The following DOCK8 variants were observed in gnomAD, a reference collection of about 807,000 sequenced individuals.
DOCK8 encodes dedicator of cytokinesis 8.
DOCK8 carries 141 observed loss-of-function variants against 245.6 expected under a neutral mutation model. The ratio of observed to expected loss-of-function variants is 0.57; its 90% confidence interval spans 0.50 to 0.66. DOCK8 has a LOEUF of 0.66. Among genes scored for constraint, DOCK8 ranks in the 30% least tolerant of loss-of-function variants. The pLI is 0.00. For synonymous variants in DOCK8, 1,168 were observed against 970.2 expected (o/e 1.20, Z -3.79); for missense variants, 2,965 against 2,603.4 (o/e 1.14, Z -3.02).
At chr9:421,959 G>C (rs371086888) in intron 32 of DOCK8, 89 bp from the exon 33 acceptor site, 5 of 1,148,612 alleles carry the variant, frequency 4.4e-6, no homozygotes, top group East Asian at 2.4e-5. Flanking sequence ...TGGTGCTGAG[G>C]CTTCTCAGTT....
chr9:316,543 A>G (rs1362509264), intron 6 of DOCK8, among the ~76,000 whole-genome samples: 1 of 152,206 alleles, frequency 6.6e-6, no homozygotes, highest in African/African-American at 2.4e-5. Flanking sequence ...TCATCTGTTT[A>G]AGAAAACAGT....
intron 46 of DOCK8, among the ~76,000 whole-genome samples, chr9:462,537 A>C (rs897315048): frequency 6.6e-6 from 1 of 152,350 alleles, no homozygotes. Flanking sequence ...GCCCTGGCCA[A>C]GGCCACATCA....
intron 25 of DOCK8, among the ~76,000 whole-genome samples, chr9:397,209 G>A (rs1166420013): frequency 1.3e-5 from 2 of 151,788 alleles, no homozygotes; most frequent in East Asian, 3.9e-4. Flanking sequence ...AAAATTAGCT[G>A]AGCATGGTTG....
intron 5 of DOCK8, among the ~76,000 whole-genome samples, chr9:305,748 G>A (rs182647441): frequency 1.3e-5 from 2 of 152,302 alleles, no homozygotes; most frequent in South Asian, 2.1e-4. Flanking sequence ...CAGAAAGAAA[G>A]CAAGCCTTCA....
intron 1 of DOCK8, among the ~76,000 whole-genome samples, chr9:225,723 A>T (rs963872526): frequency 6.6e-6 from 1 of 152,192 alleles, no homozygotes; most frequent in Non-Finnish European, 1.5e-5. Flanking sequence ...CTAAATAAAC[A>T]AGGAAACATC....
At chr9:425,457 G>T (rs561107697) in intron 33 of DOCK8, among the ~76,000 whole-genome samples, 1 of 151,226 alleles carries the variant, frequency 6.6e-6, no homozygotes. Context: ...GCGTGAACCC[G>T]GGAAGTGGAG....
chr9:440,201 G>C (rs962778667), intron 40 of DOCK8, among the ~76,000 whole-genome samples: 2 of 152,044 alleles, frequency 1.3e-5, no homozygotes, highest in East Asian at 3.9e-4. Flanking sequence ...TGTATTTTTA[G>C]AGGAGACAGG....
chr9:439,413 G>A, intron 40 of DOCK8, 25 bp downstream of exon 40: 1 of 1,610,188 alleles, frequency 6.2e-7, no homozygotes, highest in Non-Finnish European at 8.5e-7. Context: ...GGCATCCCGG[G>A]GCCTGGCCTC....
chr9:331,863 A>G (rs1239658822), intron 9 of DOCK8, among the ~76,000 whole-genome samples: 1 of 152,242 alleles, frequency 6.6e-6, no homozygotes, highest in Non-Finnish European at 1.5e-5. Flanking sequence ...GATAGGAATT[A>G]CAAGGGAGAC....
At chr9:214,819 G>A (rs746169442), upstream of DOCK8, 4 of 1,596,540 alleles carry the variant, frequency 2.5e-6, no homozygotes, top group Non-Finnish European at 3.4e-6. Flanking sequence ...CCCCCGGGGT[G>A]ATTTCGGCTT....
chr9:442,572 T>C (rs1249879888), intron 42 of DOCK8, among the ~76,000 whole-genome samples: 4 of 152,138 alleles, frequency 2.6e-5, no homozygotes. Flanking sequence ...AAGTGTAGCA[T>C]GTTGTTAGAA....
At chr9:274,512 A>T (rs2048270384) in intron 2 of DOCK8, among the ~76,000 whole-genome samples, 3 of 132,024 alleles carry the variant, frequency 2.3e-5, no homozygotes, top group African/African-American at 5.7e-5. Flanking sequence ...TTAGATGAAT[A>T]GTCTGCTTAG....
At chr9:248,935 C>G (rs1047586565) in intron 1 of DOCK8, among the ~76,000 whole-genome samples, 11 of 152,256 alleles carry the variant, frequency 7.2e-5, no homozygotes, top group Middle Eastern at 3.4e-3. Flanking sequence ...TTCTAGGTGA[C>G]AGAGTGAAGT....
chr9:256,832 T>C (rs1239710578), intron 1 of DOCK8, among the ~76,000 whole-genome samples: 1 of 152,134 alleles, frequency 6.6e-6, no homozygotes, highest in African/African-American at 2.4e-5. Context: ...TCTGCTTTCC[T>C]CATTGCAGTA....
chr9:328,941 C>CT (rs1165346763), intron 9 of DOCK8, among the ~76,000 whole-genome samples: 9,492 of 71,378 alleles, frequency 0.13, 2,140 homozygotes, highest in African/African-American at 0.17. Flanking sequence ...CTTATTGATT[C>CT]TTTTTTTTTT....
At chr9:342,504 C>G (rs1329221483) in intron 14 of DOCK8, among the ~76,000 whole-genome samples, 2 of 150,292 alleles carry the variant, frequency 1.3e-5, no homozygotes, top group Non-Finnish European at 3.0e-5. Context: ...GAGTCTCACT[C>G]TGTCACCCAG....
intron 29 of DOCK8, among the ~76,000 whole-genome samples, chr9:417,559 G>GT (rs142427925): frequency 0.014 from 2,181 of 152,102 alleles, 48 homozygotes; most frequent in African/African-American, 0.047. Flanking sequence ...ACGGTTTATC[G>GT]TTTTTTTGCT....
intron 24 of DOCK8, among the ~76,000 whole-genome samples, chr9:392,004 G>T (rs1185133809): frequency 2.0e-5 from 3 of 151,722 alleles, no homozygotes; most frequent in African/African-American, 7.3e-5. Context: ...CGGGTGTGGT[G>T]GCGGGTGCCT....
intron 21 of DOCK8, chr9:380,946 A>T (rs929616898): frequency 6.5e-6 from 1 of 153,792 alleles, no homozygotes; most frequent in African/African-American, 2.4e-5. Context: ...AAAAATATAA[A>T]AATTAGCAGA....
Sources: allele counts gnomAD v4.1 joint callset (sites outside exome capture counted in the v4.1 genomes callset), GRCh38; gene constraint gnomAD v4.1.1; transcripts MANE v1.5; gene names NCBI Gene and HGNC (gene_info 2026-07-23, HGNC 2026-07-21).